The following RALGAPA1 variants were observed in gnomAD, a reference collection of about 807,000 sequenced individuals.
The protein encoded by RALGAPA1 is ral GTPase-activating protein subunit alpha-1.
RALGAPA1 carries 52 observed loss-of-function variants against 269.6 expected under a neutral mutation model. The observed-to-expected ratio is 0.19, with a 90% CI of 0.15 to 0.24. The LOEUF (loss-of-function observed/expected upper bound fraction) is 0.24. RALGAPA1 is among the 10% of genes least tolerant of loss of function. RALGAPA1 has a pLI of 1.00. For missense variants in RALGAPA1, 1,917 were observed against 3,013.9 expected (o/e 0.64, Z 8.52); for synonymous variants, 817 against 1,008.3 (o/e 0.81, Z 3.60).
At chr14:35,619,615 A>G (rs1300783155) in intron 35 of RALGAPA1, among the ~76,000 whole-genome samples, 1 of 152,218 alleles carries the variant, frequency 6.6e-6, no homozygotes, top group African/African-American at 2.4e-5. Flanking sequence ...AAGACTAATA[A>G]AGAAGAAAAG....
chr14:35,687,402 T>C (rs1216608207), intron 18 of RALGAPA1, among the ~76,000 whole-genome samples: 1 of 152,190 alleles, frequency 6.6e-6, no homozygotes, highest in Non-Finnish European at 1.5e-5. Flanking sequence ...TTTATATTCC[T>C]AATAAACTAC....
intron 41 of RALGAPA1, among the ~76,000 whole-genome samples, chr14:35,540,978 G>A (rs2053913863): frequency 6.6e-6 from 1 of 151,290 alleles, no homozygotes; most frequent in Admixed American, 6.6e-5. Flanking sequence ...AGTTCAGTAA[G>A]GGGTGAAGAT....
At chr14:35,618,985 G>T (rs2060433085) in intron 35 of RALGAPA1, among the ~76,000 whole-genome samples, 2 of 146,474 alleles carry the variant, frequency 1.4e-5, no homozygotes, top group Admixed American at 6.6e-5. Flanking sequence ...AATACCAATG[G>T]GATTTTTTTT....
chr14:35,698,350 T>C (rs2067059897), intron 17 of RALGAPA1, among the ~76,000 whole-genome samples: 1 of 152,220 alleles, frequency 6.6e-6, no homozygotes, highest in Admixed American at 6.5e-5. Flanking sequence ...AGGAACAACC[T>C]TATCTTTGTT....
intron 37 of RALGAPA1, among the ~76,000 whole-genome samples, chr14:35,591,318 A>G (rs969399397): frequency 1.3e-5 from 2 of 151,120 alleles, no homozygotes; most frequent in African/African-American, 2.4e-5. Context: ...GTATGTATGT[A>G]TGTATGTGTT....
intron 1 of RALGAPA1, among the ~76,000 whole-genome samples, chr14:35,807,653 C>T (rs749763577): frequency 1.3e-5 from 2 of 152,094 alleles, no homozygotes; most frequent in Non-Finnish European, 2.9e-5. Context: ...TCATAATTTA[C>T]GTGAAATCAC....
chr14:35,638,001 A>G (rs2061771177), intron 31 of RALGAPA1, among the ~76,000 whole-genome samples: 1 of 152,196 alleles, frequency 6.6e-6, no homozygotes, highest in Admixed American at 6.5e-5. Context: ...AGAAATACAG[A>G]CTTTCCCAGA....
At chr14:35,583,983 CAT>C (rs1005006994) in intron 37 of RALGAPA1, among the ~76,000 whole-genome samples, 2 of 152,052 alleles carry the variant, frequency 1.3e-5, no homozygotes, top group South Asian at 2.1e-4. Context: ...AGAAGAAAAA[CAT>C]ATGTGTCATA....
chr14:35,722,604 C>T (rs1416788832), intron 15 of RALGAPA1, among the ~76,000 whole-genome samples: 1 of 150,620 alleles, frequency 6.6e-6, no homozygotes, highest in Non-Finnish European at 1.5e-5. Flanking sequence ...AGAGTGAGGC[C>T]CTGTCTCAGA....
chr14:35,677,865 A>G, intron 22 of RALGAPA1, 85 bp downstream of exon 22: 1 of 1,273,008 alleles, frequency 7.9e-7, no homozygotes, highest in Non-Finnish European at 1.1e-6. Context: ...ATCATATATA[A>G]TCAAATGTAA....
intron 6 of RALGAPA1, among the ~76,000 whole-genome samples, chr14:35,757,422 A>G (rs897230035): frequency 5.3e-5 from 8 of 152,088 alleles, no homozygotes; most frequent in African/African-American, 1.9e-4. Context: ...GCCTGGCCAC[A>G]AATTTTAACA....
chr14:35,709,409 G>C (rs935636318), intron 16 of RALGAPA1, among the ~76,000 whole-genome samples: 9 of 151,768 alleles, frequency 5.9e-5, no homozygotes, highest in South Asian at 2.1e-4. Context: ...CACTGGTAAT[G>C]GTTCTTCTTT....
chr14:35,736,208 C>T (rs1160108004), intron 12 of RALGAPA1, among the ~76,000 whole-genome samples: 1 of 152,064 alleles, frequency 6.6e-6, no homozygotes, highest in African/African-American at 2.4e-5. Flanking sequence ...GATTTGTCAT[C>T]AAATTAGACA....
chr14:35,664,575 T>C, intron 27 of RALGAPA1, 67 bp downstream of exon 27: 1 of 1,278,106 alleles, frequency 7.8e-7, no homozygotes, highest in East Asian at 2.5e-5. Context: ...AGAATACAAA[T>C]TTTATTGCAT....
intron 7 of RALGAPA1, among the ~76,000 whole-genome samples, chr14:35,753,530 C>T (rs1163201556): frequency 2.0e-5 from 3 of 152,062 alleles, no homozygotes; most frequent in South Asian, 4.1e-4. Flanking sequence ...AGTATCGATA[C>T]GTGCTACAAC....
At chr14:35,685,229 A>C in intron 19 of RALGAPA1, 84 bp from the exon 20 acceptor site, 1 of 1,207,968 alleles carries the variant, frequency 8.3e-7, no homozygotes. Flanking sequence ...CCAAACCATC[A>C]CAATAAATGC....
intron 1 of RALGAPA1, among the ~76,000 whole-genome samples, chr14:35,788,933 T>C (rs1418798488): frequency 6.6e-6 from 1 of 152,160 alleles, no homozygotes; most frequent in Middle Eastern, 3.2e-3. Flanking sequence ...CCTAGTATAT[T>C]CATTCATGAA....
intron 11 of RALGAPA1, among the ~76,000 whole-genome samples, chr14:35,738,868 C>T (rs958223888): frequency 3.9e-5 from 6 of 152,044 alleles, no homozygotes; most frequent in Non-Finnish European, 7.4e-5. Flanking sequence ...AACAACAAAA[C>T]CCATAATGAG....
At chr14:35,748,013 TATATC>T (rs919903665) in intron 10 of RALGAPA1, among the ~76,000 whole-genome samples, 9 of 152,082 alleles carry the variant, frequency 5.9e-5, no homozygotes, top group African/African-American at 2.2e-4. Context: ...CCTCCCTTCT[TATATC>T]ATAAACCATT....
Sources: gnomAD v4.1 joint callset for allele counts (sites outside exome capture counted in the v4.1 genomes callset) on GRCh38, gnomAD v4.1.1 for gene constraint, MANE v1.5 for transcripts, NCBI Gene and HGNC (gene_info 2026-07-23, HGNC 2026-07-21) for gene names.